The following NRN1L variants were observed in gnomAD, a reference collection of about 807,000 sequenced individuals.
NRN1L encodes neuritin 1 like.
NRN1L carries 12 observed loss-of-function variants against 8.8 expected under a neutral mutation model. That is an observed-to-expected ratio of 1.36 (90% CI 0.87 to 2.20). NRN1L has a LOEUF of 2.20. Ranked by LOEUF, NRN1L falls within the 30% of genes most tolerant of loss-of-function variation. The probability of loss-of-function intolerance (pLI) is 0.00; values close to 1 mark genes in which losing one functional copy is unlikely to be tolerated. For missense variants in NRN1L, 266 were observed against 232.4 expected, an observed-to-expected ratio of 1.14 and a Z score of -0.94; for synonymous variants, 114 against 99.2, an observed-to-expected ratio of 1.15 and a Z score of -0.88.
At position 67,884,922 on chromosome 16, in the gene NRN1L, C is replaced by CGCCGCTGCTGCT. The variant is rs1567393199; in HGVS notation, c.24_35dup (p.Cys9_Arg12dup). 6.2e-7 allele frequency: 1 copy of CGCCGCTGCTGCT among 1,606,230 alleles called. No individual in the cohort carries two copies. Among genetic ancestry groups the CGCCGCTGCTGCT allele is most frequent in the Non-Finnish European group, 8.5e-7 (1 of 1,179,628 alleles). ...GCCAGGGATGATGCGCTGCTGCCGC[C>CGCCGCTGCTGCT]GCCGCTGCTGCTGCCGGCAACCACC... is the stretch of plus-strand genomic sequence containing the variant. On this transcript the variant is annotated inframe_insertion, in exon 1 of 3. Coordinates refer to ENST00000339176, the MANE Select transcript of NRN1L (RefSeq NM_198443.2). This position sits in a 1 kb window ranked among gnomAD's most constrained non-coding sequence, Gnocchi z 4.1.
intron 1 of NRN1L, chr16:67,885,491 G>A (rs1298286999): frequency 3.8e-6 from 2 of 532,526 alleles, no homozygotes; most frequent in African/African-American, 3.9e-5. Flanking sequence ...GAGCTGACCT[G>A]GGGTACACAA....
chr16:67,886,328 G>A lies in NRN1L; in HGVS notation c.*69G>A. ...TGGCGGTGGTTGTCCAGGCTCTGCAGAGCGCAGCAGGGCTTTTCATTAAAG... is the reference window on the plus strand; with the variant it reads ...TGGCGGTGGTTGTCCAGGCTCTGCAAAGCGCAGCAGGGCTTTTCATTAAAG... On this transcript the variant is annotated 3_prime_UTR_variant, in exon 3 of 3. Transcript: ENST00000339176. 7.6e-7 allele frequency: 1 copy of A among 1,315,830 alleles called. No individual in the cohort carries two copies. The allele number at this position is 1,315,830 out of a possible 1,614,324, so 81.5% of individuals were successfully genotyped here.
intron 1 of NRN1L, chr16:67,885,192 A>G (rs1413189726): frequency 5.0e-6 from 3 of 601,566 alleles, no homozygotes; most frequent in Non-Finnish European, 8.9e-6. Flanking sequence ...ATCCCCTCTT[A>G]TGATAAAGGG....
chr16:67,885,365 G>C, intron 1 of NRN1L: 1 of 474,838 alleles, frequency 2.1e-6, no homozygotes, highest in Non-Finnish European at 3.7e-6. Flanking sequence ...CTAAACCGCA[G>C]AGAGATGCAC....
intron 1 of NRN1L, chr16:67,885,292 C>G (rs980329200): frequency 1.5e-5 from 8 of 541,372 alleles, no homozygotes; most frequent in Non-Finnish European, 2.3e-5. Flanking sequence ...CCTCTGCATC[C>G]TGCCTTGTCT....
downstream of NRN1L, among the ~76,000 whole-genome samples, chr16:67,886,682 C>CA (rs1948550406): frequency 1.3e-5 from 2 of 152,176 alleles, no homozygotes; most frequent in Non-Finnish European, 1.5e-5. Context: ...CCCCTTCTAT[C>CA]CTGGCCCCTG....
chr16:67,887,054 A>G (rs1315674058), downstream of NRN1L, among the ~76,000 whole-genome samples: 2 of 152,206 alleles, frequency 1.3e-5, no homozygotes, highest in African/African-American at 2.4e-5. Flanking sequence ...AAGCCGTGGA[A>G]CAAGAGCATG....
At chr16:67,885,333 C>T (rs1048940006) in intron 1 of NRN1L, 44 of 488,294 alleles carry the variant, frequency 9.0e-5, no homozygotes, top group African/African-American at 5.9e-4. Context: ...AGAGAGAGTT[C>T]GGAGGGCCAA....
intron 1 of NRN1L, chr16:67,885,283 C>T (rs1341042806): frequency 7.4e-5 from 41 of 555,504 alleles, no homozygotes; most frequent in Admixed American, 1.3e-4. Flanking sequence ...ATCCCAATAC[C>T]TCTGCATCCT....
At position 67,885,469 on chromosome 16, in the gene NRN1L, A is replaced by C. The variant is rs1358066804; in HGVS notation, c.80-253A>C. 5.2e-5 allele frequency: 26 copies of C among 496,792 alleles called. No homozygotes were observed. In the East Asian group the frequency reaches 7.8e-4, roughly 15 times the overall value. 30.8% of individuals were successfully genotyped at this position (496,792 alleles called of 1,614,324 possible). On this transcript the variant is annotated intron_variant, in intron 1 of 2. Coordinates refer to ENST00000339176, the MANE Select transcript of NRN1L (RefSeq NM_198443.2). ...TTGTCACCCCACCTGCGGCCCCAGA[A>C]GCTCAAAGGAAGAGCTGACCTGGGG...
At chr16:67,885,023 C>T (rs377606163) in intron 1 of NRN1L, 41 bp downstream of exon 1, 11 of 1,558,682 alleles carry the variant, frequency 7.1e-6, no homozygotes, top group Non-Finnish European at 9.6e-6. Flanking sequence ...ACCCCCTTCT[C>T]GCCCAGCCAA....
In NRN1L at chr16:67,884,908, T is replaced by A. The variant is rs747669048; in HGVS notation, c.5T>A (p.Met2Lys). 1 of 1,604,794 alleles carries A rather than the reference T, an allele frequency of 6.2e-7. No individual in the cohort carries two copies. The highest frequency in any genetic ancestry group is 8.5e-7 in the Non-Finnish European group (1 of 1,179,616). Residue 2 changes from methionine (M) to lysine (K), a missense_variant, in exon 1 of 3, where the codon ATG becomes AAG. Coordinates refer to ENST00000339176, the MANE Select transcript of NRN1L (RefSeq NM_198443.2). The surrounding 1 kb of genome is among the most constrained non-coding windows in gnomAD (Gnocchi z 4.1). Reference sequence around the variant, plus strand: ...GCACTAGGCTCTCAGCCAGGGATGATGCGCTGCTGCCGCCGCCGCTGCTGC... The same window carrying A: ...GCACTAGGCTCTCAGCCAGGGATGAAGCGCTGCTGCCGCCGCCGCTGCTGC... Reference protein sequence around the residue: MMRCCRRRCCCR... With the variant: MKRCCRRRCCCR...
chr16:67,887,707 C>T (rs756798684), downstream of NRN1L, among the ~76,000 whole-genome samples: 7 of 151,898 alleles, frequency 4.6e-5, no homozygotes, highest in Non-Finnish European at 1.0e-4. Flanking sequence ...CTCAGCCTTC[C>T]GAGTAGCTTG....
At chr16:67,886,429 G>C, downstream of NRN1L, 2 of 649,958 alleles carry the variant, frequency 3.1e-6, no homozygotes, top group Non-Finnish European at 5.1e-6. Context: ...GGGACTCCTA[G>C]AAACTGATCC....
Position 67,886,012 on chromosome 16 carries a change from T to C in NRN1L, c.251T>C (p.Leu84Pro), listed in dbSNP as rs1327449007. 1 of 1,614,168 alleles carries C rather than the reference T, an allele frequency of 6.2e-7. No individual in the cohort carries two copies. Among genetic ancestry groups the C allele is most frequent in the East Asian group, 2.2e-5 (1 of 44,890 alleles). Residue 84 changes from leucine (L) to proline (P), a missense_variant, in exon 3 of 3, where the codon CTG (leucine) becomes CCG (proline). Coordinates refer to ENST00000339176, the MANE Select transcript of NRN1L (RefSeq NM_198443.2). ...TTCCATGCCTGTGCCTCTCAGGTCC[T>C]GTCAGGCTGTCCGGAGGAGGCAGCT... Reference protein sequence around the residue: ...NDFHACASQVLSGCPEEAAAV... With the variant: ...NDFHACASQVPSGCPEEAAAV...
chr16:67,887,766 A>G (rs1250511245), downstream of NRN1L, among the ~76,000 whole-genome samples: 1 of 151,906 alleles, frequency 6.6e-6, no homozygotes, highest in East Asian at 1.9e-4. Flanking sequence ...TTGTATTTTT[A>G]GTAGACGGGG....
At chr16:67,887,296 T>G (rs954747438), downstream of NRN1L, among the ~76,000 whole-genome samples, 2 of 151,968 alleles carry the variant, frequency 1.3e-5, no homozygotes, top group African/African-American at 4.8e-5. Flanking sequence ...TCTTTACTTT[T>G]TTTTTTTTTC....
chr16:67,888,347 C>T (rs1357647194), downstream of NRN1L, among the ~76,000 whole-genome samples: 1 of 152,108 alleles, frequency 6.6e-6, no homozygotes, highest in Non-Finnish European at 1.5e-5. Flanking sequence ...CTGTATACCC[C>T]AGAAGTCTTC....
chr16:67,885,710 C>CCCCCCA lies in NRN1L; in HGVS notation c.80-9_80-8insCCACCC. 6.7e-7 allele frequency: 1 copy of CCCCCCA among 1,490,774 alleles called. No individual in the cohort carries two copies. Among genetic ancestry groups the CCCCCCA allele is most frequent in the Non-Finnish European group, 9.2e-7 (1 of 1,089,698 alleles). The allele number at this position is 1,490,774 out of a possible 1,614,324, so 92.3% of individuals were successfully genotyped here. A position where few individuals can be genotyped will look rare whatever the true frequency, so the allele number is the denominator to read the frequency against. Reference sequence around the variant, plus strand: ...CCATTCCTTCCCCACCCCACCCCCGCCCCACTTCTAGTCCTTTTACCTCCC... The same window carrying CCCCCCA: ...CCATTCCTTCCCCACCCCACCCCCGCCCCCCACCCACTTCTAGTCCTTTTACCTCCC... On this transcript the variant is annotated splice_polypyrimidine_tract_variant and intron_variant, in intron 1 of 2. Transcript: ENST00000339176.
Sources: allele counts gnomAD v4.1 joint callset (sites outside exome capture counted in the v4.1 genomes callset), GRCh38; gene constraint gnomAD v4.1.1; non-coding constraint Gnocchi (gnomAD v3.1); transcripts MANE v1.5; gene names NCBI Gene and HGNC (gene_info 2026-07-23, HGNC 2026-07-21).